The following FCHSD2 variants were observed in gnomAD, a reference collection of about 807,000 sequenced individuals.
FCHSD2 encodes F-BAR and double SH3 domains protein 2.
In FCHSD2, 38 loss-of-function variants were observed where a neutral mutation model predicts 108.1. That is an observed-to-expected ratio of 0.35 (90% CI 0.27 to 0.46). The LOEUF is 0.46. FCHSD2 is among the 20% of genes least tolerant of loss of function. The pLI is 1.00. For missense variants in FCHSD2, 751 were observed against 897.8 expected, an observed-to-expected ratio of 0.84 and a Z score of 2.09; for synonymous variants, 279 against 314.7, an observed-to-expected ratio of 0.89 and a Z score of 1.20.
At chr11:73,141,007 T>C (rs1437853659) in intron 1 of FCHSD2, among the ~76,000 whole-genome samples, 3 of 152,144 alleles carry the variant, frequency 2.0e-5, no homozygotes, top group Non-Finnish European at 4.4e-5. Flanking sequence ...TAGGCAAATG[T>C]TTGCCCACGA....
At position 73,142,184 on chromosome 11, in the gene FCHSD2, G is replaced by A. The variant is rs1353253285; in HGVS notation, c.-307C>T. The A allele has an allele frequency of 9.5e-6, 2 of 211,330 alleles. No homozygotes were observed. The highest frequency in any genetic ancestry group is 1.9e-5 in the Non-Finnish European group (2 of 106,438). 13.1% of individuals were successfully genotyped at this position (211,330 alleles called of 1,614,324 possible). On this transcript the variant is annotated 5_prime_UTR_variant, in exon 1 of 20. Transcript: ENST00000409418. Reference sequence around the variant, plus strand: ...GGGCGGGGGCCCCAGGAGCAGGGGCGCGAGGGTCTCAGCCGGCCGGGCGGC... The same window carrying A: ...GGGCGGGGGCCCCAGGAGCAGGGGCACGAGGGTCTCAGCCGGCCGGGCGGC...
At chr11:72,926,180 G>A (rs1229860072) in intron 8 of FCHSD2, among the ~76,000 whole-genome samples, 1 of 152,138 alleles carries the variant, frequency 6.6e-6, no homozygotes, top group African/African-American at 2.4e-5. Context: ...TTCAGGCCAG[G>A]GAGGGCCTGA....
intron 8 of FCHSD2, among the ~76,000 whole-genome samples, chr11:72,953,189 T>C (rs1222005353): frequency 1.3e-5 from 2 of 152,192 alleles, no homozygotes; most frequent in Admixed American, 1.3e-4. Flanking sequence ...AAGAGGAACA[T>C]TCTTTGAGAA....
At chr11:73,111,421 T>C (rs1860481957) in intron 2 of FCHSD2, among the ~76,000 whole-genome samples, 1 of 152,054 alleles carries the variant, frequency 6.6e-6, no homozygotes. Flanking sequence ...GCTACTCCTG[T>C]TCTTTTTTGG....
At chr11:73,123,896 T>C (rs1860792000) in intron 2 of FCHSD2, among the ~76,000 whole-genome samples, 1 of 152,222 alleles carries the variant, frequency 6.6e-6, no homozygotes, top group South Asian at 2.1e-4. Flanking sequence ...CTGAGTTACC[T>C]GAAAAGAGAT....
chr11:73,074,277 C>T (rs560101355), intron 3 of FCHSD2, among the ~76,000 whole-genome samples: 2 of 152,070 alleles, frequency 1.3e-5, no homozygotes, highest in Admixed American at 6.6e-5. Flanking sequence ...GTTGAGGAAG[C>T]ACAAAATATG....
chr11:73,104,644 C>A (rs1860298638), intron 2 of FCHSD2, among the ~76,000 whole-genome samples: 1 of 152,178 alleles, frequency 6.6e-6, no homozygotes, highest in Non-Finnish European at 1.5e-5. Flanking sequence ...TCTCATCTCA[C>A]TGCAACCTTC....
At chr11:72,900,477 AGAGTCACTGTTATTCT>A (rs1282660565) in intron 10 of FCHSD2, 4 of 609,194 alleles carry the variant, frequency 6.6e-6, no homozygotes, top group Non-Finnish European at 1.2e-5. Context: ...AAGTGAGATG[AGAGTCACTGTTATTCT>A]GATTTTTTCT....
At chr11:73,025,392 G>C (rs567093725) in intron 3 of FCHSD2, among the ~76,000 whole-genome samples, 4 of 152,100 alleles carry the variant, frequency 2.6e-5, no homozygotes, top group Non-Finnish European at 5.9e-5. Flanking sequence ...TGCAGGAAAA[G>C]AAAACCAAAT....
At chr11:73,077,123 A>G (rs998023989) in intron 3 of FCHSD2, among the ~76,000 whole-genome samples, 8 of 150,306 alleles carry the variant, frequency 5.3e-5, no homozygotes, top group Non-Finnish European at 1.2e-4. Context: ...AGAAAAAGAA[A>G]AAAAAGAAAA....
intron 9 of FCHSD2, among the ~76,000 whole-genome samples, chr11:72,913,026 C>A (rs1404662311): frequency 6.6e-6 from 1 of 152,124 alleles, no homozygotes; most frequent in African/African-American, 2.4e-5. Flanking sequence ...GCAGCTTTGT[C>A]TTACGTGGCA....
At chr11:72,999,293 T>C (rs1266413249) in intron 5 of FCHSD2, among the ~76,000 whole-genome samples, 1 of 151,880 alleles carries the variant, frequency 6.6e-6, no homozygotes, top group Non-Finnish European at 1.5e-5. Flanking sequence ...ACATGAGCAT[T>C]TGTTGAATCT....
intron 12 of FCHSD2, among the ~76,000 whole-genome samples, chr11:72,876,663 T>C (rs565240327): frequency 7.2e-4 from 109 of 152,344 alleles, no homozygotes; most frequent in African/African-American, 2.5e-3. Context: ...TGGAGTTCGA[T>C]GAATGCCAAT....
At chr11:72,847,723 C>T (rs976412916) in intron 14 of FCHSD2, among the ~76,000 whole-genome samples, 14 of 138,320 alleles carry the variant, frequency 1.0e-4, no homozygotes, top group South Asian at 4.6e-4. Flanking sequence ...GACAGAGTCT[C>T]GCTCTGTCAC....
At chr11:72,888,323 A>T (rs2135247243) in intron 11 of FCHSD2, among the ~76,000 whole-genome samples, 1 of 152,336 alleles carries the variant, frequency 6.6e-6, no homozygotes, top group South Asian at 2.1e-4. Context: ...AAGAAAAATG[A>T]GAAATCAAAG....
intron 3 of FCHSD2, among the ~76,000 whole-genome samples, chr11:73,052,379 T>C (rs1377434672): frequency 1.3e-5 from 2 of 152,164 alleles, no homozygotes; most frequent in Non-Finnish European, 2.9e-5. Flanking sequence ...ATGCATTGTT[T>C]CCATCATTGA....
chr11:73,105,792 A>AT (rs1315680802), intron 2 of FCHSD2, among the ~76,000 whole-genome samples: 2 of 152,222 alleles, frequency 1.3e-5, no homozygotes, highest in African/African-American at 4.8e-5. Flanking sequence ...AAAAAATGAG[A>AT]TTTTAAAATA....
intron 8 of FCHSD2, among the ~76,000 whole-genome samples, chr11:72,959,853 GGTGTGTGTGTGT>G (rs58451717): frequency 6.2e-5 from 9 of 145,894 alleles, no homozygotes; most frequent in African/African-American, 2.3e-4. Context: ...AAGTTTCTAG[GGTGTGTGTGTGT>G]GTGTGTGTGT....
At position 72,838,688 on chromosome 11, in the gene FCHSD2, T is replaced by G. The variant is rs1263405112; in HGVS notation, c.*103A>C. On this transcript the variant is annotated 3_prime_UTR_variant, in exon 20 of 20. Transcript: ENST00000409418. ...ACACATAATCCTCCTTGTTTTTTGC[T>G]CTGTTCAAGAGTCATCATCATGCAA... is the stretch of plus-strand genomic sequence containing the variant. 2.7e-5 allele frequency: 25 copies of G among 909,996 alleles called. No homozygotes were observed. The East Asian group carries it at 6.1e-4, about 22-fold the overall frequency. 56.4% of individuals were successfully genotyped at this position (909,996 alleles called of 1,614,324 possible). A position where few individuals can be genotyped will look rare whatever the true frequency, so the allele number is the denominator to read the frequency against.
Sources: allele counts gnomAD v4.1 joint callset (sites outside exome capture counted in the v4.1 genomes callset), GRCh38; gene constraint gnomAD v4.1.1; transcripts MANE v1.5; gene names NCBI Gene and HGNC (gene_info 2026-07-23, HGNC 2026-07-21).